MCPH1: variants seen among roughly 807,000 people sequenced by gnomAD.
The protein encoded by MCPH1 is microcephalin.
A neutral mutation model predicts 84.5 loss-of-function variants in MCPH1; 104 were observed. That is an observed-to-expected ratio of 1.23 (90% confidence interval 1.05 to 1.45). The LOEUF (loss-of-function observed/expected upper bound fraction) is 1.45. Ranked by LOEUF, MCPH1 falls within the 40% of genes most tolerant of loss-of-function variation. MCPH1 has a pLI of 0.00. For synonymous variants in MCPH1, 514 were observed against 366.8 expected, an observed-to-expected ratio of 1.40 and a Z score of -4.58; for missense variants, 1,498 against 1,005.7, an observed-to-expected ratio of 1.49 and a Z score of -6.62.
rs537907628 is a variant in MCPH1 at position 6,459,499 on chromosome 8, A to C, written c.1935+4247A>C. 1.2e-4 allele frequency among the ~76,000 whole-genome samples: 19 copies of C among 152,340 alleles called. 1 individual carries two copies. Among genetic ancestry groups the C allele is most frequent in the African/African-American group, 4.3e-4 (18 of 41,572 alleles). On this transcript the variant is annotated intron_variant, in intron 9 of 13. Coordinates refer to ENST00000344683, the MANE Select transcript of MCPH1 (RefSeq NM_024596.5). ...AGCACAAAATTGTTTCTATTTCCTA[A>C]AGAAAACAAAATCTTGTAATTGAAT...
chr8:6,474,092 T>C (rs1486412527), intron 9 of MCPH1: 3 of 775,030 alleles, frequency 3.9e-6, no homozygotes, highest in African/African-American at 1.7e-5. Context: ...AAAAACTATG[T>C]GAAACCAGCG....
At chr8:6,418,980 T>C (rs1356555220) in intron 3 of MCPH1, among the ~76,000 whole-genome samples, 2 of 152,216 alleles carry the variant, frequency 1.3e-5, no homozygotes, top group Admixed American at 6.5e-5. Flanking sequence ...TCTATATTTC[T>C]GCAAAAGTTT....
chr8:6,583,290 C>G (rs139190303), intron 12 of MCPH1, among the ~76,000 whole-genome samples: 1 of 151,856 alleles, frequency 6.6e-6, no homozygotes, highest in African/African-American at 2.4e-5. Context: ...ATGTGCAGAA[C>G]GTGCAGGATT....
chr8:6,611,335 C>A (rs1830248105), intron 12 of MCPH1, among the ~76,000 whole-genome samples: 1 of 152,192 alleles, frequency 6.6e-6, no homozygotes, highest in African/African-American at 2.4e-5. Context: ...GTCCCAAATC[C>A]CCGTTCTAAC....
intron 12 of MCPH1, among the ~76,000 whole-genome samples, chr8:6,551,791 G>A (rs2922867): frequency 0.13 from 20,391 of 152,130 alleles, 3,737 homozygotes; most frequent in African/African-American, 0.42. Flanking sequence ...TTGTGGTTGG[G>A]ATTTGATGGT....
intron 11 of MCPH1, among the ~76,000 whole-genome samples, chr8:6,483,270 A>C (rs1395896680): frequency 6.6e-6 from 1 of 152,264 alleles, no homozygotes; most frequent in South Asian, 2.1e-4. Flanking sequence ...GTATAGATTT[A>C]ACACATTCTC....
intron 9 of MCPH1, among the ~76,000 whole-genome samples, chr8:6,475,015 T>C (rs1183280718): frequency 6.6e-6 from 1 of 152,226 alleles, no homozygotes; most frequent in Non-Finnish European, 1.5e-5. Flanking sequence ...GAAAGTATTA[T>C]TGGAAGTTCA....
Position 6,645,824 on chromosome 8 carries a change from G to T in MCPH1, c.*2775G>T, listed in dbSNP as rs1041534388. ...AATAGGAATAGACTTGGCAACAGTT[G>T]TAACATCTGTATACTGAAACCTGTA... On this transcript the variant is annotated 3_prime_UTR_variant, in exon 14 of 14. Transcript: ENST00000344683. 5.3e-5 allele frequency: 8 copies of T among 152,122 alleles called. No homozygotes were observed. The highest frequency in any genetic ancestry group is 1.9e-4 in the African/African-American group (8 of 41,428). The allele number at this position is 152,122 out of a possible 1,614,324, so 9.4% of individuals were successfully genotyped here.
At chr8:6,423,579 G>C (rs2920688) in intron 3 of MCPH1, among the ~76,000 whole-genome samples, 2,683 of 152,170 alleles carry the variant, frequency 0.018, 85 homozygotes, top group African/African-American at 0.061. Flanking sequence ...ATTTATGTAA[G>C]CAGTGTCCTA....
chr8:6,501,587 C>T (rs541616186), intron 12 of MCPH1: 1 of 130,784 alleles, frequency 7.6e-6, no homozygotes, highest in South Asian at 2.4e-4. Context: ...TGGAGTCTTG[C>T]TCTGTTGCCC....
intron 12 of MCPH1, chr8:6,508,831 A>G: frequency 1.3e-6 from 2 of 1,511,732 alleles, no homozygotes; most frequent in Non-Finnish European, 1.8e-6. Flanking sequence ...GAAATTGTGG[A>G]CATCGTTACA....
At chr8:6,427,135 A>G (rs906566112) in intron 3 of MCPH1, among the ~76,000 whole-genome samples, 2 of 152,218 alleles carry the variant, frequency 1.3e-5, no homozygotes, top group African/African-American at 4.8e-5. Context: ...ATACTTAAAC[A>G]TAGAAAAGGT....
intron 12 of MCPH1, among the ~76,000 whole-genome samples, chr8:6,619,976 C>T (rs546192482): frequency 1.1e-3 from 166 of 152,300 alleles, no homozygotes; most frequent in African/African-American, 3.8e-3. Context: ...GCAGCTTGGC[C>T]CCGTGATGCT....
intron 3 of MCPH1, among the ~76,000 whole-genome samples, chr8:6,424,769 A>G (rs1800808945): frequency 6.6e-6 from 1 of 152,242 alleles, no homozygotes; most frequent in African/African-American, 2.4e-5. Flanking sequence ...ATTTAGTGCT[A>G]GACCACAGAA....
intron 12 of MCPH1, among the ~76,000 whole-genome samples, chr8:6,558,891 T>C (rs1382924634): frequency 6.6e-6 from 1 of 152,170 alleles, no homozygotes; most frequent in Non-Finnish European, 1.5e-5. Context: ...TATCATACTA[T>C]ACATATACAT....
rs575908901 is a variant in MCPH1 at position 6,522,673 on chromosome 8, C to G, written c.2214+22744C>G. Among the ~76,000 whole-genome samples, 30 of 151,502 alleles carry G rather than the reference C, an allele frequency of 2.0e-4. No individual in the cohort carries two copies. The South Asian group carries it at 6.0e-3, about 31-fold the overall frequency. On this transcript the variant is annotated intron_variant, in intron 12 of 13. Transcript: ENST00000344683. ...AATGTAATCCCAGCTACTCAGGAGG[C>G]TGAGGCAGGAGAACTGCTTGAACCC...
chr8:6,607,713 AG>A (rs928514164), intron 12 of MCPH1, among the ~76,000 whole-genome samples: 12 of 152,190 alleles, frequency 7.9e-5, no homozygotes, highest in Non-Finnish European at 5.9e-5. Flanking sequence ...ATGGTGAATA[AG>A]GGGAAATGCC....
In MCPH1 at chr8:6,505,448, C is replaced by A. The variant is rs1299249152; in HGVS notation, c.2214+5519C>A. ...AAAGAATATATATATTCTTTATATA[C>A]ATATAGAATATATATATTCTTTACA... On this transcript the variant is annotated intron_variant, in intron 12 of 13. Transcript: ENST00000344683. Among the ~76,000 whole-genome samples the A allele has an allele frequency of 1.9e-4, 13 of 70,270 alleles. 1 individual carries two copies. Among genetic ancestry groups the A allele is most frequent in the African/African-American group, 6.1e-4 (12 of 19,636 alleles). 46.1% of individuals were successfully genotyped at this position (70,270 alleles called of 152,430 possible).
At chr8:6,490,634 C>A (rs1045091703) in intron 11 of MCPH1, among the ~76,000 whole-genome samples, 3 of 152,162 alleles carry the variant, frequency 2.0e-5, no homozygotes, top group African/African-American at 7.2e-5. Flanking sequence ...CTACCTGATA[C>A]TTTTGATGTA....
Sources: gnomAD v4.1 joint callset for allele counts (sites outside exome capture counted in the v4.1 genomes callset) on GRCh38, gnomAD v4.1.1 for gene constraint, MANE v1.5 for transcripts, NCBI Gene and HGNC (gene_info 2026-07-23, HGNC 2026-07-21) for gene names.